Variants in TENM2 observed in about 807,000 individuals in gnomAD.
TENM2 encodes teneurin-2.
In TENM2, 52 loss-of-function variants were observed where a neutral mutation model predicts 245.2. The observed-to-expected ratio is 0.21, with a 90% CI of 0.17 to 0.27. The LOEUF (loss-of-function observed/expected upper bound fraction) is 0.27. Among genes scored for constraint, TENM2 ranks in the 10% least tolerant of loss-of-function variants. The pLI is 1.00. For missense variants in TENM2, 3,046 were observed against 3,666.8 expected, an observed-to-expected ratio of 0.83 and a Z score of 4.37; for synonymous variants, 1,363 against 1,438.9, an observed-to-expected ratio of 0.95 and a Z score of 1.19.
At chr5:168,249,029 A>G (rs1766853314) in intron 27 of TENM2, among the ~76,000 whole-genome samples, 1 of 152,072 alleles carries the variant, frequency 6.6e-6, no homozygotes, top group Non-Finnish European at 1.5e-5. Context: ...TGAGCCAAGA[A>G]AATCACTTGA....
the TENM2 span, among the ~76,000 whole-genome samples, chr5:167,127,184 C>T: frequency 6.6e-6 from 1 of 152,030 alleles, no homozygotes; most frequent in Non-Finnish European, 1.5e-5. Flanking sequence ...AGAAATATTT[C>T]CCAAATTTGT....
chr5:167,634,999 T>C (rs986627460), intron 2 of TENM2, among the ~76,000 whole-genome samples: 27 of 152,198 alleles, frequency 1.8e-4, no homozygotes, highest in Non-Finnish European at 2.5e-4. Flanking sequence ...TCCTAGCATG[T>C]TGAAGTCTCA....
chr5:167,616,995 C>G (rs1362938710), intron 2 of TENM2, among the ~76,000 whole-genome samples: 1 of 152,100 alleles, frequency 6.6e-6, no homozygotes, highest in East Asian at 1.9e-4. Context: ...ACACATGCAA[C>G]TTTCAGTTTA....
the TENM2 span, among the ~76,000 whole-genome samples, chr5:167,176,378 C>T: frequency 6.6e-6 from 1 of 152,186 alleles, no homozygotes; most frequent in African/African-American, 2.4e-5. Flanking sequence ...GCTCCTGTCC[C>T]CAAAACTCAC....
At chr5:167,909,938 A>G (rs1776420193) in intron 3 of TENM2, among the ~76,000 whole-genome samples, 1 of 150,810 alleles carries the variant, frequency 6.6e-6, no homozygotes, top group African/African-American at 2.4e-5. Flanking sequence ...CAGCATAAAC[A>G]CATCTAGACA....
chr5:168,231,875 C>T (rs1764954124), intron 25 of TENM2, among the ~76,000 whole-genome samples: 1 of 151,698 alleles, frequency 6.6e-6, no homozygotes, highest in African/African-American at 2.4e-5. Context: ...GCAGGAGGAT[C>T]CCTTGAGCCC....
chr5:167,382,931 C>T (rs1761175981), intron 2 of TENM2, among the ~76,000 whole-genome samples: 1 of 121,174 alleles, frequency 8.3e-6, no homozygotes, highest in Admixed American at 7.4e-5. Flanking sequence ...AATATGCACA[C>T]AAATATATAA....
At chr5:167,527,472 CTG>C (rs1262075963) in intron 2 of TENM2, among the ~76,000 whole-genome samples, 1 of 152,050 alleles carries the variant, frequency 6.6e-6, no homozygotes, top group Non-Finnish European at 1.5e-5. Flanking sequence ...TCTCTGGACT[CTG>C]TCTGTATTTA....
chr5:167,360,313 G>A (rs1448771343), intron 1 of TENM2, among the ~76,000 whole-genome samples: 1 of 152,178 alleles, frequency 6.6e-6, no homozygotes, highest in African/African-American at 2.4e-5. Flanking sequence ...TAGAAGCTCT[G>A]TAAGGGCTTG....
intron 2 of TENM2, among the ~76,000 whole-genome samples, chr5:167,452,950 T>TATATATATATTAA (rs1554157769): frequency 2.7e-4 from 27 of 99,630 alleles, no homozygotes; most frequent in Non-Finnish European, 5.1e-4. Flanking sequence ...TATATATATA[T>TATATATATATTAA]ATATATATAT....
intron 2 of TENM2, among the ~76,000 whole-genome samples, chr5:167,820,852 A>G (rs970858521): frequency 2.6e-5 from 4 of 152,198 alleles, no homozygotes; most frequent in South Asian, 2.1e-4. Context: ...CAAAGTGTGC[A>G]TTGGGAGAGG....
chr5:167,550,659 G>A (rs1477945437), intron 2 of TENM2, among the ~76,000 whole-genome samples: 1 of 151,360 alleles, frequency 6.6e-6, no homozygotes, highest in Non-Finnish European at 1.5e-5. Context: ...CTGCAGGCTA[G>A]AGTACTTTCT....
chr5:167,227,110 T>A, the TENM2 span, among the ~76,000 whole-genome samples: 1 of 152,130 alleles, frequency 6.6e-6, no homozygotes, highest in East Asian at 1.9e-4. Flanking sequence ...TACAGTTGGA[T>A]AATTTTTTTT....
At chr5:167,626,941 A>G (rs1778549156) in intron 2 of TENM2, among the ~76,000 whole-genome samples, 1 of 152,118 alleles carries the variant, frequency 6.6e-6, no homozygotes, top group Non-Finnish European at 1.5e-5. Flanking sequence ...TCCCGAAGAC[A>G]ATGACTCTCT....
chr5:167,379,649 C>A (rs1364493842), intron 2 of TENM2, among the ~76,000 whole-genome samples: 1 of 152,058 alleles, frequency 6.6e-6, no homozygotes, highest in Non-Finnish European at 1.5e-5. Flanking sequence ...TCTCCCTAAT[C>A]CCTCACGTAA....
intron 2 of TENM2, among the ~76,000 whole-genome samples, chr5:167,515,949 C>G (rs1261349414): frequency 6.6e-6 from 1 of 152,046 alleles, no homozygotes; most frequent in Non-Finnish European, 1.5e-5. Context: ...AAAGTTCTGT[C>G]TATTTGATGA....
chr5:167,520,788 A>G (rs1770700588), intron 2 of TENM2, among the ~76,000 whole-genome samples: 4 of 151,344 alleles, frequency 2.6e-5, no homozygotes. Context: ...TTCAACTTCC[A>G]CATGGCCTCT....
chr5:168,229,282 G>GACTC (rs1393799787), intron 25 of TENM2, among the ~76,000 whole-genome samples: 91 of 151,272 alleles, frequency 6.0e-4, no homozygotes, highest in African/African-American at 2.1e-3. Flanking sequence ...CTTTCTGTCT[G>GACTC]ACTCACTTGC....
the TENM2 span, among the ~76,000 whole-genome samples, chr5:167,228,694 G>C: frequency 6.7e-6 from 1 of 150,106 alleles, no homozygotes; most frequent in Non-Finnish European, 1.5e-5. Context: ...TGGTGTAACA[G>C]TCACTTCTTC....
Sources: gnomAD v4.1 joint callset for allele counts (sites outside exome capture counted in the v4.1 genomes callset) on GRCh38, gnomAD v4.1.1 for gene constraint, MANE v1.5 for transcripts, NCBI Gene and HGNC (gene_info 2026-07-23, HGNC 2026-07-21) for gene names.